PLCL2: variants seen among roughly 807,000 people sequenced by gnomAD.
The protein encoded by PLCL2 is inactive phospholipase C-like protein 2.
In PLCL2, 4 loss-of-function variants were observed where a neutral mutation model predicts 79.6. The ratio of observed to expected loss-of-function variants is 0.05; its 90% CI spans 0.02 to 0.11. The LOEUF (loss-of-function observed/expected upper bound fraction) is 0.11. PLCL2 is among the 10% of genes least tolerant of loss of function. The pLI is 1.00. For synonymous variants in PLCL2, 484 were observed against 457.7 expected (o/e 1.06, Z -0.73); for missense variants, 895 against 1,291.0 (o/e 0.69, Z 4.70).
rs529566676 is a variant in PLCL2 at position 16,965,787 on chromosome 3, T to C, written c.328-43887T>C. ...TATTTTATTCTCTTTGAAGCAATTG[T>C]GAATGGGAGTTCACTCATGATTTGG... On this transcript the variant is annotated intron_variant, in intron 1 of 5. Transcript: ENST00000615277. Among the ~76,000 whole-genome samples, 1,491 of 151,966 alleles carry C rather than the reference T, an allele frequency of 9.8e-3. 28 individuals are homozygous for C. Among genetic ancestry groups the C allele is most frequent in the African/African-American group, 0.034 (1,420 of 41,512 alleles).
intron 1 of PLCL2, chr3:16,933,044 T>A (rs1437400889): frequency 6.5e-6 from 1 of 153,338 alleles, no homozygotes; most frequent in East Asian, 1.9e-4. Context: ...CCAGCACCAC[T>A]TTGTGAGAAG....
chr3:16,973,003 G>A (rs779470809), intron 1 of PLCL2, among the ~76,000 whole-genome samples: 1 of 152,054 alleles, frequency 6.6e-6, no homozygotes, highest in Non-Finnish European at 1.5e-5. Flanking sequence ...ATATTGATAT[G>A]TGCAGATTTG....
intron 1 of PLCL2, among the ~76,000 whole-genome samples, chr3:16,941,710 C>G (rs2063548389): frequency 6.6e-6 from 1 of 152,188 alleles, no homozygotes; most frequent in African/African-American, 2.4e-5. Context: ...CTCCTCTGTT[C>G]TTCCATAGCA....
At chr3:16,935,631 C>G (rs1214758122) in intron 1 of PLCL2, among the ~76,000 whole-genome samples, 1 of 151,900 alleles carries the variant, frequency 6.6e-6, no homozygotes, top group Non-Finnish European at 1.5e-5. Context: ...GTCTATGTAA[C>G]AAATAATTTT....
intron 3 of PLCL2, among the ~76,000 whole-genome samples, chr3:17,015,602 C>A (rs11926825): frequency 0.022 from 3,279 of 152,262 alleles, 117 homozygotes; most frequent in African/African-American, 0.074. Context: ...GTCATTGACT[C>A]TTCAACCTAT....
chr3:16,971,644 T>A (rs1237977055), intron 1 of PLCL2, among the ~76,000 whole-genome samples: 1 of 152,198 alleles, frequency 6.6e-6, no homozygotes, highest in Non-Finnish European at 1.5e-5. Flanking sequence ...TTGGGCGATA[T>A]GGCCATTTTC....
chr3:16,921,863 ATT>A (rs1697131864), intron 1 of PLCL2, among the ~76,000 whole-genome samples: 1 of 152,178 alleles, frequency 6.6e-6, no homozygotes, highest in African/African-American at 2.4e-5. Flanking sequence ...CACAGGAAAT[ATT>A]AAGATAACTG....
chr3:16,952,360 C>CAAAAAAAAAAAAAAAAAAAAAA lies in PLCL2; in HGVS notation c.328-57304_328-57283dup, dbSNP rs35421244. On this transcript the variant is annotated intron_variant, in intron 1 of 5. Transcript: ENST00000615277. The stretch of plus-strand genomic sequence containing the variant: ...TGCACATGTATCCCAGAACTTAAAG[C>CAAAAAAAAAAAAAAAAAAAAAA]AAAAAAAAAAAAAAAAAAAAAAAAA... Among the ~76,000 whole-genome samples the CAAAAAAAAAAAAAAAAAAAAAA allele has an allele frequency of 1.8e-4, 4 of 22,616 alleles. 1 individual carries two copies. The highest frequency in any genetic ancestry group is 2.9e-4 in the Non-Finnish European group (4 of 13,626). 14.8% of individuals were successfully genotyped at this position (22,616 alleles called of 152,430 possible).
At chr3:17,039,814 T>C (rs1274369166) in intron 3 of PLCL2, among the ~76,000 whole-genome samples, 1 of 152,164 alleles carries the variant, frequency 6.6e-6, no homozygotes, top group East Asian at 1.9e-4. Flanking sequence ...CACCCTGAAG[T>C]ATTAGTCATC....
Position 17,010,116 on chromosome 3 carries a change from T to C in PLCL2, c.770T>C (p.Leu257Pro). 2 of 1,614,090 alleles carry C rather than the reference T, an allele frequency of 1.2e-6. No homozygotes were observed. Among genetic ancestry groups the C allele is most frequent in the Non-Finnish European group, 1.7e-6 (2 of 1,179,944 alleles). Residue 257 changes from leucine to proline, a missense_variant, in exon 2 of 6, where the codon CTT becomes CCT. Physicochemically the swap from Leu to Pro is moderately conservative, Grantham distance 98. This residue lies in a region of PLCL2 where 129 missense variants were observed against 208.8 expected (regional missense o/e 0.62). Transcript: ENST00000615277. This position sits in a 1 kb window ranked among gnomAD's most constrained non-coding sequence, Gnocchi z 5.8. The part of the protein sequence containing the change: ...RYLISYGKHT[L>P]DMLESSQDNM... ...CTAATTTCTTATGGAAAACATACAC[T>C]TGATATGTTAGAAAGTAGCCAAGAT...
chr3:16,943,515 C>T (rs1048692978), intron 1 of PLCL2, among the ~76,000 whole-genome samples: 1 of 152,108 alleles, frequency 6.6e-6, no homozygotes, highest in Non-Finnish European at 1.5e-5. Flanking sequence ...ATTTTACAAA[C>T]AATGCATATT....
intron 1 of PLCL2, among the ~76,000 whole-genome samples, chr3:16,944,527 G>A (rs936843504): frequency 2.0e-5 from 3 of 152,036 alleles, no homozygotes; most frequent in Non-Finnish European, 4.4e-5. Context: ...TCATTGGGAT[G>A]GGCTCTAATC....
At chr3:17,074,651 T>C (rs2124948561) in intron 5 of PLCL2, among the ~76,000 whole-genome samples, 1 of 152,374 alleles carries the variant, frequency 6.6e-6, no homozygotes, top group South Asian at 2.1e-4. Context: ...TTGTTTAGTA[T>C]AGCCACCTTC....
At chr3:16,954,005 A>G (rs976090829) in intron 1 of PLCL2, among the ~76,000 whole-genome samples, 7 of 151,992 alleles carry the variant, frequency 4.6e-5, no homozygotes, top group Non-Finnish European at 8.8e-5. Context: ...AGTGACATAT[A>G]CATTTTTGTT....
At chr3:17,085,138 GAAA>G (rs56675312) in intron 5 of PLCL2, among the ~76,000 whole-genome samples, 1 of 150,176 alleles carries the variant, frequency 6.7e-6, no homozygotes, top group African/African-American at 2.4e-5. Context: ...CTTTTTTTAA[GAAA>G]AAAAAAATTT....
intron 1 of PLCL2, among the ~76,000 whole-genome samples, chr3:16,970,204 C>CT (rs1320028666): frequency 6.6e-6 from 1 of 151,876 alleles, no homozygotes; most frequent in Non-Finnish European, 1.5e-5. Context: ...AATGCTATCT[C>CT]TCCCCCCTCC....
chr3:17,059,736 A>G (rs1265517336), intron 4 of PLCL2, among the ~76,000 whole-genome samples: 1 of 152,072 alleles, frequency 6.6e-6, no homozygotes, highest in Admixed American at 6.5e-5. Context: ...GTTGCCTGAG[A>G]AGGGGAGGGA....
chr3:16,900,119 G>C (rs969463014), intron 1 of PLCL2, among the ~76,000 whole-genome samples: 3 of 152,184 alleles, frequency 2.0e-5, no homozygotes, highest in African/African-American at 7.2e-5. Context: ...ACCTGGATAA[G>C]ACTGTTGAGA....
intron 4 of PLCL2, among the ~76,000 whole-genome samples, chr3:17,045,809 G>A (rs192489902): frequency 2.0e-5 from 3 of 152,328 alleles, no homozygotes; most frequent in Admixed American, 6.5e-5. Context: ...ACCTCAGAAA[G>A]GGAGAAAGGC....
Sources: gnomAD v4.1 joint callset for allele counts (sites outside exome capture counted in the v4.1 genomes callset) on GRCh38, gnomAD v4.1.1 for gene constraint, gnomAD v4.1.1 regional missense constraint, Gnocchi (gnomAD v3.1) non-coding constraint, MANE v1.5 for transcripts, NCBI Gene and HGNC (gene_info 2026-07-23, HGNC 2026-07-21) for gene names.